The following PPHLN1 variants were observed in gnomAD, a reference collection of about 807,000 sequenced individuals.
The protein encoded by PPHLN1 is periphilin-1.
Under a neutral mutation model 51.3 loss-of-function variants are expected in PPHLN1, and 29 were observed. That is an observed-to-expected ratio of 0.57 (90% CI 0.42 to 0.77). PPHLN1 has a LOEUF of 0.77. PPHLN1 is among the 30% of genes least tolerant of loss of function. The probability of loss-of-function intolerance (pLI) is 0.00; values close to 1 mark genes in which losing one functional copy is unlikely to be tolerated. For missense variants in PPHLN1, 436 were observed against 438.4 expected (o/e 0.99, Z 0.05); for synonymous variants, 147 against 147.8 (o/e 0.99, Z 0.04).
intron 7 of PPHLN1, among the ~76,000 whole-genome samples, chr12:42,390,037 A>G (rs904450338): frequency 6.6e-6 from 1 of 152,202 alleles, no homozygotes; most frequent in Non-Finnish European, 1.5e-5. Flanking sequence ...CTCTTCACAG[A>G]TATCATACCC....
Position 42,387,471 on chromosome 12 carries a change from T to C in PPHLN1, c.584T>C (p.Val195Ala). 1 of 1,613,054 alleles carries C rather than the reference T, an allele frequency of 6.2e-7. No homozygotes were observed. The highest frequency in any genetic ancestry group is 8.5e-7 in the Non-Finnish European group (1 of 1,179,682). The change falls in exon 7 of 10, where the codon GTC (valine) becomes GCC (alanine). Residue 195 changes from valine (V) to alanine (A), a missense_variant. Val to Ala is a moderately conservative substitution (Grantham distance 64). Transcript: ENST00000358314. The part of the protein sequence containing the change: ...GNPERDKERP[V>A]QSLKTSRDTS... ...TCTTATATAGATAAAGAGAGGCCTG[T>C]CCAGTCTTTGAAAACATCAAGAGAT...
rs184312139 is a variant in PPHLN1 at position 42,351,548 on chromosome 12, A to G, written c.73-337A>G. Reference sequence around the variant, plus strand: ...TGTCTTACATAATTTTATTTCTAAAATTGTTAGGCAATTAGGGATAGAGCT... The same window carrying G: ...TGTCTTACATAATTTTATTTCTAAAGTTGTTAGGCAATTAGGGATAGAGCT... On this transcript the variant is annotated intron_variant, in intron 2 of 9. Coordinates refer to ENST00000358314, the MANE Select transcript of PPHLN1 (RefSeq NM_201439.2). 82 of 160,966 alleles carry G rather than the reference A, an allele frequency of 5.1e-4. 1 individual carries two copies. In the East Asian group the frequency reaches 0.014, roughly 27 times the overall value. 10.0% of individuals were successfully genotyped at this position (160,966 alleles called of 1,614,324 possible). A position where few individuals can be genotyped will look rare whatever the true frequency, so the allele number is the denominator to read the frequency against.
intron 7 of PPHLN1, among the ~76,000 whole-genome samples, chr12:42,389,937 C>T (rs984843662): frequency 9.9e-5 from 15 of 152,182 alleles, no homozygotes; most frequent in Admixed American, 9.8e-4. Context: ...TCTTCTCATT[C>T]CTACTTTTCT....
chr12:42,428,548 A>G (rs747781612), intron 9 of PPHLN1, among the ~76,000 whole-genome samples: 18 of 152,268 alleles, frequency 1.2e-4, no homozygotes, highest in Non-Finnish European at 1.9e-4. Context: ...TCTCACTCAT[A>G]TGTGGGAGCT....
At chr12:42,418,901 G>A (rs189329874) in intron 9 of PPHLN1, among the ~76,000 whole-genome samples, 8 of 151,970 alleles carry the variant, frequency 5.3e-5, no homozygotes, top group African/African-American at 1.9e-4. Flanking sequence ...GATGTTTGTT[G>A]AATGAATTAA....
chr12:42,407,009 T>C (rs775018203), intron 9 of PPHLN1, among the ~76,000 whole-genome samples: 3 of 152,212 alleles, frequency 2.0e-5, no homozygotes, highest in Non-Finnish European at 4.4e-5. Flanking sequence ...AAGACATCCA[T>C]GTAAGTCTGT....
intron 8 of PPHLN1, among the ~76,000 whole-genome samples, chr12:42,395,376 C>T (rs2139221877): frequency 6.6e-6 from 1 of 152,110 alleles, no homozygotes; most frequent in East Asian, 1.9e-4. Flanking sequence ...TCAATTTCAT[C>T]CCATTCTCTA....
chr12:42,382,970 A>T (rs978685189), intron 5 of PPHLN1, among the ~76,000 whole-genome samples: 8 of 152,190 alleles, frequency 5.3e-5, no homozygotes, highest in African/African-American at 1.9e-4. Context: ...AACAAAAACA[A>T]AACAAAAAAA....
At chr12:42,446,169 G>A, downstream of PPHLN1, 1 of 1,607,680 alleles carries the variant, frequency 6.2e-7, no homozygotes, top group Non-Finnish European at 8.5e-7. Context: ...GACATTACCT[G>A]GGGGATGCTG....
At chr12:42,422,115 A>G (rs921384386) in intron 9 of PPHLN1, among the ~76,000 whole-genome samples, 3 of 152,208 alleles carry the variant, frequency 2.0e-5, no homozygotes, top group Non-Finnish European at 4.4e-5. Context: ...AAAGGCATGT[A>G]ATCATCCCTT....
Position 42,424,371 on chromosome 12 carries a change from T to G in PPHLN1, c.910-16944T>G, listed in dbSNP as rs561947735. On this transcript the variant is annotated intron_variant, in intron 9 of 9. Coordinates refer to ENST00000358314, the MANE Select transcript of PPHLN1 (RefSeq NM_201439.2). The stretch of plus-strand genomic sequence containing the variant: ...TGGAAGACCACGAGGCAACTTATTT[T>G]CTTCCATAATTTCCCTTTCTTCCCT... Among the ~76,000 whole-genome samples the G allele has an allele frequency of 1.4e-4, 21 of 152,342 alleles. No individual in the cohort carries two copies. In the South Asian group the frequency reaches 4.1e-3, roughly 30 times the overall value.
At chr12:42,447,216 A>G (rs1352023813), downstream of PPHLN1, 1 of 152,294 alleles carries the variant, frequency 6.6e-6, no homozygotes, top group Admixed American at 6.5e-5. Context: ...TGCCAGGAAT[A>G]GTGGAATTTT....
At chr12:42,398,495 T>C (rs1406973779) in intron 8 of PPHLN1, 3 of 164,546 alleles carry the variant, frequency 1.8e-5, no homozygotes, top group Non-Finnish European at 2.6e-5. Flanking sequence ...TATTTTGGAA[T>C]CGAATAGGCC....
chr12:42,371,015 A>G (rs1431575771), intron 4 of PPHLN1, among the ~76,000 whole-genome samples: 1 of 151,642 alleles, frequency 6.6e-6, no homozygotes, highest in Non-Finnish European at 1.5e-5. Flanking sequence ...CATGTTGGCC[A>G]GGCCTGTCTG....
At position 42,382,849 on chromosome 12, in the gene PPHLN1, T is replaced by A. The variant is rs564873904; in HGVS notation, c.512-2091T>A. On this transcript the variant is annotated intron_variant, in intron 5 of 9. Transcript: ENST00000358314. ...ATCATTAAAGTGCTATAGTAGAGGA[T>A]AAGAAGAATGAGACCTTTTAGTTTT... is the stretch of plus-strand genomic sequence containing the variant. Among the ~76,000 whole-genome samples the A allele has an allele frequency of 2.0e-5, 3 of 152,232 alleles. 1 individual carries two copies. The highest frequency in any genetic ancestry group is 7.2e-5 in the African/African-American group (3 of 41,538).
intron 9 of PPHLN1, among the ~76,000 whole-genome samples, chr12:42,423,045 G>A (rs1028698985): frequency 6.6e-6 from 1 of 152,104 alleles, no homozygotes; most frequent in Admixed American, 6.6e-5. Flanking sequence ...TCTAACATTA[G>A]TATGTTCATT....
At position 42,335,848 on chromosome 12, in the gene PPHLN1, A is replaced by G. The variant is rs1383829369; in HGVS notation, c.-20-35A>G. 4.8e-6 allele frequency: 6 copies of G among 1,252,202 alleles called. No individual in the cohort carries two copies. The East Asian group carries it at 1.3e-4, about 27-fold the overall frequency. 77.6% of individuals were successfully genotyped at this position (1,252,202 alleles called of 1,614,324 possible). A position where few individuals can be genotyped will look rare whatever the true frequency, so the allele number is the denominator to read the frequency against. On this transcript the variant is annotated intron_variant, in intron 1 of 9. Coordinates refer to ENST00000358314, the MANE Select transcript of PPHLN1 (RefSeq NM_201439.2). Reference sequence around the variant, plus strand: ...TTCCTTACCTTTTCTGTTACTTCCTAGTATAAAATCCATAATTCTTTTTTT... The same window carrying G: ...TTCCTTACCTTTTCTGTTACTTCCTGGTATAAAATCCATAATTCTTTTTTT...
intron 4 of PPHLN1, among the ~76,000 whole-genome samples, chr12:42,357,639 T>C (rs1009741292): frequency 5.3e-5 from 8 of 151,792 alleles, no homozygotes; most frequent in African/African-American, 1.7e-4. Context: ...TAAAACACTT[T>C]TAAAAACTAG....
chr12:42,383,762 C>T (rs1456325209), intron 5 of PPHLN1, among the ~76,000 whole-genome samples: 1 of 151,734 alleles, frequency 6.6e-6, no homozygotes, highest in Non-Finnish European at 1.5e-5. Flanking sequence ...GGGTGGATCA[C>T]GAGGTTAGGA....
Sources: gnomAD v4.1 joint callset for allele counts (sites outside exome capture counted in the v4.1 genomes callset) on GRCh38, gnomAD v4.1.1 for gene constraint, MANE v1.5 for transcripts, NCBI Gene and HGNC (gene_info 2026-07-23, HGNC 2026-07-21) for gene names.